The following DPP10 variants were observed in gnomAD, a reference collection of about 807,000 sequenced individuals.
DPP10 encodes dipeptidyl peptidase like 10.
Under a neutral mutation model 120.9 loss-of-function variants are expected in DPP10, and 33 were observed. The observed-to-expected ratio is 0.27, with a 90% CI of 0.21 to 0.37. DPP10 has a LOEUF of 0.37. Among genes scored for constraint, DPP10 ranks in the 10% least tolerant of loss-of-function variants. The probability of loss-of-function intolerance (pLI) is 1.00; values close to 1 mark genes in which losing one functional copy is unlikely to be tolerated. For synonymous variants in DPP10, 337 were observed against 326.1 expected (o/e 1.03, Z -0.36); for missense variants, 816 against 942.8 (o/e 0.87, Z 1.76).
intron 5 of DPP10, among the ~76,000 whole-genome samples, chr2:115,568,460 C>G (rs11893232): frequency 0.011 from 1,703 of 151,524 alleles, 31 homozygotes; most frequent in African/African-American, 0.04. Flanking sequence ...TCCAGCCTGG[C>G]GACAGAGCGA....
intron 1 of DPP10, among the ~76,000 whole-genome samples, chr2:114,831,237 A>G (rs879054865): frequency 6.6e-6 from 1 of 152,076 alleles, no homozygotes; most frequent in African/African-American, 2.4e-5. Context: ...TCAATAGAAC[A>G]TAACTTTAAA....
At chr2:114,830,422 A>G (rs1016288472) in intron 1 of DPP10, among the ~76,000 whole-genome samples, 1 of 152,196 alleles carries the variant, frequency 6.6e-6, no homozygotes, top group African/African-American at 2.4e-5. Flanking sequence ...TTTTAGTCAG[A>G]AAAGTTCTAT....
At chr2:115,696,368 G>A (rs1001133031) in intron 7 of DPP10, among the ~76,000 whole-genome samples, 4 of 152,014 alleles carry the variant, frequency 2.6e-5, no homozygotes, top group South Asian at 2.1e-4. Flanking sequence ...GGCCCTCCTC[G>A]CTTGTCACAT....
At chr2:115,169,857 A>G (rs570876027) in intron 1 of DPP10, among the ~76,000 whole-genome samples, 1 of 152,326 alleles carries the variant, frequency 6.6e-6, no homozygotes, top group Non-Finnish European at 1.5e-5. Context: ...GTATCAGATT[A>G]TAAAAGATAG....
intron 1 of DPP10, among the ~76,000 whole-genome samples, chr2:114,640,622 C>T (rs780268440): frequency 6.6e-6 from 1 of 151,812 alleles, no homozygotes; most frequent in Non-Finnish European, 1.5e-5. Flanking sequence ...TCTCTGTCCT[C>T]CCTCCCCTTC....
chr2:115,799,024 G>T (rs553414374), intron 19 of DPP10, among the ~76,000 whole-genome samples: 9 of 152,002 alleles, frequency 5.9e-5, no homozygotes, highest in Admixed American at 5.9e-4. Flanking sequence ...TCAATTGGAA[G>T]TTGCTAGATC....
intron 1 of DPP10, among the ~76,000 whole-genome samples, chr2:115,287,085 A>G (rs2060435287): frequency 6.6e-6 from 1 of 152,046 alleles, no homozygotes. Flanking sequence ...CAGAAAATGT[A>G]TGACTGTAGA....
intron 10 of DPP10, 105 bp from the exon 11 acceptor site, chr2:115,753,069 A>T: frequency 3.9e-6 from 4 of 1,034,316 alleles, no homozygotes; most frequent in Non-Finnish European, 5.5e-6. Flanking sequence ...CAACATCCTT[A>T]TAGTGGTTCA....
chr2:114,961,592 GTGTT>G (rs1652246704), intron 1 of DPP10, among the ~76,000 whole-genome samples: 1 of 152,126 alleles, frequency 6.6e-6, no homozygotes, highest in Non-Finnish European at 1.5e-5. Flanking sequence ...GTGTTTGAGA[GTGTT>G]TGTGTGTGTA....
chr2:115,810,796 A>G (rs1686555845), intron 19 of DPP10, among the ~76,000 whole-genome samples: 1 of 152,336 alleles, frequency 6.6e-6, no homozygotes, highest in African/African-American at 2.4e-5. Context: ...GTGAATCCCC[A>G]AAGATTTCTG....
At chr2:115,833,005 A>G (rs908114184) in intron 21 of DPP10, among the ~76,000 whole-genome samples, 1 of 152,170 alleles carries the variant, frequency 6.6e-6, no homozygotes, top group South Asian at 2.1e-4. Flanking sequence ...TTGAATCTGT[A>G]TGCTGACAAC....
chr2:115,271,076 T>C (rs1219158504), intron 1 of DPP10, among the ~76,000 whole-genome samples: 3 of 152,202 alleles, frequency 2.0e-5, no homozygotes, highest in Non-Finnish European at 4.4e-5. Context: ...TAATAGCACT[T>C]TCAGATATTG....
intron 1 of DPP10, among the ~76,000 whole-genome samples, chr2:114,992,073 A>G (rs1040759529): frequency 6.6e-6 from 1 of 152,242 alleles, no homozygotes; most frequent in Non-Finnish European, 1.5e-5. Flanking sequence ...CTTTTTACAT[A>G]AAGCCCAATT....
intron 1 of DPP10, among the ~76,000 whole-genome samples, chr2:115,172,252 T>C (rs1193363513): frequency 3.9e-5 from 6 of 151,924 alleles, no homozygotes; most frequent in Non-Finnish European, 8.8e-5. Context: ...GGCGTGGTGG[T>C]GGGTGCCTGT....
chr2:115,689,625 T>C, intron 5 of DPP10, 62 bp from the exon 6 acceptor site: 2 of 1,068,106 alleles, frequency 1.9e-6, no homozygotes, highest in Non-Finnish European at 1.3e-6. Flanking sequence ...ACTAAGAATA[T>C]ATATACATAT....
chr2:114,459,617 C>T (rs1156640072), intron 1 of DPP10, among the ~76,000 whole-genome samples: 2 of 152,054 alleles, frequency 1.3e-5, no homozygotes, highest in African/African-American at 4.8e-5. Flanking sequence ...CAAGAGGCCT[C>T]ATGGTGAGCT....
intron 1 of DPP10, among the ~76,000 whole-genome samples, chr2:115,185,299 G>T (rs2054358768): frequency 6.6e-6 from 1 of 150,622 alleles, no homozygotes; most frequent in Non-Finnish European, 1.5e-5. Context: ...ACAGGTGCCT[G>T]TGACTCGCTC....
At chr2:115,291,551 C>T (rs893910495) in intron 1 of DPP10, among the ~76,000 whole-genome samples, 2 of 152,056 alleles carry the variant, frequency 1.3e-5, no homozygotes, top group Non-Finnish European at 2.9e-5. Context: ...CAATACATGT[C>T]TTCAGAAACA....
At chr2:114,857,541 A>C (rs1689467724) in intron 1 of DPP10, among the ~76,000 whole-genome samples, 2 of 152,122 alleles carry the variant, frequency 1.3e-5, no homozygotes, top group African/African-American at 4.8e-5. Flanking sequence ...TGTTGGCTCC[A>C]TGCTCTGTAG....
Sources: allele counts gnomAD v4.1 joint callset (sites outside exome capture counted in the v4.1 genomes callset), GRCh38; gene constraint gnomAD v4.1.1; transcripts MANE v1.5; gene names NCBI Gene and HGNC (gene_info 2026-07-23, HGNC 2026-07-21).